The following MYOF variants were observed in gnomAD, a reference collection of about 807,000 sequenced individuals.
The protein encoded by MYOF is myoferlin, also known as fer-1-like 3, myoferlin.
Under a neutral mutation model 284.2 loss-of-function variants are expected in MYOF, and 244 were observed. That is an observed-to-expected ratio of 0.86 (90% CI 0.77 to 0.95). MYOF has a LOEUF of 0.95. Among genes scored for constraint, MYOF ranks in the 40% least tolerant of loss-of-function variants. The probability of loss-of-function intolerance (pLI) is 0.00; values close to 1 mark genes in which losing one functional copy is unlikely to be tolerated. For missense variants in MYOF, 2,496 were observed against 2,560.6 expected (o/e 0.97, Z 0.54); for synonymous variants, 904 against 919.7 (o/e 0.98, Z 0.31).
rs149344350 is a variant in MYOF, at chr10:93,331,320, CG to C, written c.4812-1487del. ...TGGAGCCATCTGGGGGCTGCAGAGC[CG>C]GCATCTCCTTGGCTCCACCCTGCTG... On this transcript the variant is annotated intron_variant, in intron 43 of 53. Coordinates refer to ENST00000359263, the MANE Select transcript of MYOF (RefSeq NM_013451.4). Among the ~76,000 whole-genome samples the C allele has an allele frequency of 2.9e-3, 449 of 152,224 alleles. 9 individuals carry two copies. In the East Asian group the frequency reaches 0.047, roughly 16 times the overall value.
chr10:93,386,014 T>C (rs1846347865), intron 19 of MYOF, among the ~76,000 whole-genome samples: 7 of 152,220 alleles, frequency 4.6e-5, no homozygotes, highest in Admixed American at 4.6e-4. Context: ...CTATGGTTAT[T>C]TAAAACAAAG....
rs1270508350 is a variant in MYOF, at chr10:93,414,197, GT to G, written c.434-4459del. 2.7e-3 allele frequency among the ~76,000 whole-genome samples: 11 copies of G among 4,144 alleles called. No homozygotes were observed. In the Non-Finnish European group the frequency reaches 0.04, roughly 15 times the overall value. 2.7% of individuals were successfully genotyped at this position (4,144 alleles called of 152,430 possible). ...CTGCATAACTCCAGTCTCTGCCTCT[GT>G]GTGGTCACACAGCCTTTCTCCTTCT... On this transcript the variant is annotated intron_variant, in intron 5 of 53. Coordinates refer to ENST00000359263, the MANE Select transcript of MYOF (RefSeq NM_013451.4).
chr10:93,328,397 A>G (rs1177993432), intron 45 of MYOF, among the ~76,000 whole-genome samples: 1 of 152,202 alleles, frequency 6.6e-6, no homozygotes, highest in East Asian at 1.9e-4. Flanking sequence ...ACATCCCTGA[A>G]GCTTCTGGGA....
rs1266660083 is a variant in MYOF at position 93,404,158 on chromosome 10, C to T, written c.791G>A (p.Arg264Gln). 2.5e-6 allele frequency: 4 copies of T among 1,613,996 alleles called. No individual in the cohort carries two copies. Among genetic ancestry groups the T allele is most frequent in the Admixed American group, 3.3e-5 (2 of 60,004 alleles). Residue 264 changes from arginine to glutamine, a missense_variant and splice_region_variant, in exon 8 of 54, where the codon CGG becomes CAG. Arg to Gln is a conservative substitution (Grantham distance 43). Around this residue, in one of 3 missense-constraint regions of MYOF, gnomAD observed 2,436 missense variants for 2,480.7 expected, o/e 0.98. Transcript: ENST00000359263. ...SELMDEIISIRVYNSHSLRAD... is the reference protein window; with the variant it reads ...SELMDEIISIQVYNSHSLRAD... Reference sequence around the variant, plus strand: ...ACCTTCCTACTTGCTGACCCTTACCCGGATGCTGATGATCTCATCCATCAA... The same window carrying T: ...ACCTTCCTACTTGCTGACCCTTACCTGGATGCTGATGATCTCATCCATCAA...
chr10:93,361,593 A>C (rs2133929221), intron 27 of MYOF, 36 bp from the exon 28 acceptor site: 1 of 1,608,152 alleles, frequency 6.2e-7, no homozygotes, highest in East Asian at 2.2e-5. Context: ...GAAGAGAGGT[A>C]AGCCATAGTG....
rs376422888 is a variant in MYOF, at chr10:93,402,879, T to C, written c.855A>G (p.Gly285=). The C allele has an allele frequency of 2.7e-5, 43 of 1,612,026 alleles. No homozygotes were observed. Among genetic ancestry groups the C allele is most frequent in the Non-Finnish European group, 1.7e-6 (2 of 1,178,298 alleles). ...CLMGEFKIDV[G]FVYDEPGHAV... ...ACTTACCAGGTTCATCATAAACAAA[T>C]CCAACATCAATCTGGGAAAACAATA... Residue 285 remains glycine, a synonymous_variant, in exon 10 of 54, where the codon GGA becomes GGG. Coordinates refer to ENST00000359263, the MANE Select transcript of MYOF (RefSeq NM_013451.4).
intron 22 of MYOF, among the ~76,000 whole-genome samples, chr10:93,376,870 TA>T (rs1845861416): frequency 6.6e-6 from 1 of 152,158 alleles, no homozygotes. Flanking sequence ...AAAGAGCAAG[TA>T]AAAGGGCTGT....
chr10:93,409,672 C>G lies in MYOF; in HGVS notation c.501G>C (p.Lys167Asn). Residue 167 changes from lysine (K) to asparagine (N), a missense_variant, in exon 6 of 54, where the codon AAG becomes AAC. Coordinates refer to ENST00000359263, the MANE Select transcript of MYOF (RefSeq NM_013451.4). ...CTTCCGACACCGTCCCAACTGGCCC[C>G]TTGGGCCCAGGGCCCCTGACTGCAT... ...LDNAVRGPGP[K>N]GPVGTVSEAQ... 6.2e-7 allele frequency: 1 copy of G among 1,614,236 alleles called. No homozygotes were observed. The highest frequency in any genetic ancestry group is 1.1e-5 in the South Asian group (1 of 91,086).
At chr10:93,349,631 A>G (rs1182248746) in intron 36 of MYOF, among the ~76,000 whole-genome samples, 177 bp downstream of exon 36, 1 of 152,174 alleles carries the variant, frequency 6.6e-6, no homozygotes. Context: ...GCTTTAAGAA[A>G]TCATCACTAC....
At chr10:93,320,995 C>T (rs531259228) in intron 48 of MYOF, among the ~76,000 whole-genome samples, 1 of 152,190 alleles carries the variant, frequency 6.6e-6, no homozygotes, top group Admixed American at 6.5e-5. Flanking sequence ...GACACGCAGA[C>T]AGAAAAGATT....
intron 4 of MYOF, among the ~76,000 whole-genome samples, chr10:93,427,175 C>T (rs1305696198): frequency 1.3e-5 from 2 of 150,038 alleles, no homozygotes; most frequent in African/African-American, 2.5e-5. Context: ...AATGAGCCAC[C>T]GTGCCCGGGG....
At chr10:93,470,799 C>G (rs968134303) in intron 1 of MYOF, among the ~76,000 whole-genome samples, 1 of 152,156 alleles carries the variant, frequency 6.6e-6, no homozygotes, top group African/African-American at 2.4e-5. Flanking sequence ...ACCCTATACA[C>G]AGAGCTAAGC....
intron 1 of MYOF, among the ~76,000 whole-genome samples, chr10:93,476,366 C>T (rs2057263958): frequency 1.3e-5 from 2 of 150,616 alleles, no homozygotes; most frequent in Admixed American, 6.7e-5. Context: ...ATTCTCCTGC[C>T]TCAGCCTCCC....
chr10:93,402,985 G>T, intron 9 of MYOF, 95 bp from the exon 10 acceptor site: 1 of 1,078,896 alleles, frequency 9.3e-7, no homozygotes. Flanking sequence ...ATCATGTCTT[G>T]ATTACACTTA....
intron 17 of MYOF, among the ~76,000 whole-genome samples, chr10:93,390,620 A>G (rs966914925): frequency 1.3e-5 from 2 of 152,194 alleles, no homozygotes; most frequent in African/African-American, 4.8e-5. Flanking sequence ...GCTTGGCTTT[A>G]TCCATTGTGG....
chr10:93,380,058 T>C lies in MYOF; in HGVS notation c.1877-71A>G, dbSNP rs534547912. On this transcript the variant is annotated intron_variant, in intron 20 of 53. Coordinates refer to ENST00000359263, the MANE Select transcript of MYOF (RefSeq NM_013451.4). ...AGACAGCATGTTTATTAAAGAGATGTGCAGACTGAGCTGCTGATTAATCCA... is the reference window on the plus strand; with the variant it reads ...AGACAGCATGTTTATTAAAGAGATGCGCAGACTGAGCTGCTGATTAATCCA... The C allele has an allele frequency of 3.2e-6, 5 of 1,554,666 alleles. No individual in the cohort carries two copies. The South Asian group carries it at 5.9e-5, about 18-fold the overall frequency.
intron 3 of MYOF, among the ~76,000 whole-genome samples, chr10:93,450,558 A>C (rs1304739134): frequency 1.3e-5 from 2 of 152,218 alleles, no homozygotes; most frequent in East Asian, 1.9e-4. Context: ...TGGGTGACAG[A>C]GTGAGACTCC....
chr10:93,307,190 C>G (rs951984532), intron 53 of MYOF, among the ~76,000 whole-genome samples, 189 bp from the exon 54 acceptor site: 1 of 119,362 alleles, frequency 8.4e-6, no homozygotes, highest in Non-Finnish European at 2.1e-5. Context: ...CCAGTAGCAC[C>G]CCCCCGCCAA....
intron 50 of MYOF, among the ~76,000 whole-genome samples, chr10:93,316,388 T>C (rs922723640): frequency 6.6e-6 from 1 of 151,888 alleles, no homozygotes; most frequent in African/African-American, 2.4e-5. Flanking sequence ...GGGTAGGAGC[T>C]GATTCCCAGG....
Sources: allele counts gnomAD v4.1 joint callset (sites outside exome capture counted in the v4.1 genomes callset), GRCh38; gene constraint gnomAD v4.1.1; regional missense constraint gnomAD v4.1.1; transcripts MANE v1.5; gene names NCBI Gene and HGNC (gene_info 2026-07-23, HGNC 2026-07-21).